Variants in CHFR observed in about 807,000 individuals in gnomAD.
The protein encoded by CHFR is checkpoint with forkhead and ring finger domains, also known as E3 ubiquitin-protein ligase CHFR.
CHFR carries 57 observed loss-of-function variants against 87.6 expected under a neutral mutation model. That is an observed-to-expected ratio of 0.65 (90% confidence interval 0.53 to 0.81). The LOEUF is 0.81. Among genes scored for constraint, CHFR ranks in the 30% least tolerant of loss-of-function variants. The pLI is 0.00. For synonymous variants in CHFR, 381 were observed against 359.2 expected (o/e 1.06, Z -0.69); for missense variants, 797 against 865.8 (o/e 0.92, Z 1.00).
chr12:132,856,242 C>G (rs549697602), intron 10 of CHFR, among the ~76,000 whole-genome samples: 5 of 152,192 alleles, frequency 3.3e-5, no homozygotes, highest in South Asian at 2.1e-4. Flanking sequence ...CTGGCTACCC[C>G]CTGGCTACCC....
intron 6 of CHFR, among the ~76,000 whole-genome samples, chr12:132,863,462 G>A (rs1019148618): frequency 8.6e-5 from 13 of 151,944 alleles, no homozygotes; most frequent in Non-Finnish European, 7.4e-5. Context: ...CGAAGTTCGC[G>A]CCATTGCACT....
intron 10 of CHFR, among the ~76,000 whole-genome samples, chr12:132,855,754 AG>A (rs1453648111): frequency 6.6e-6 from 1 of 152,204 alleles, no homozygotes; most frequent in Non-Finnish European, 1.5e-5. Flanking sequence ...GGGTAGAGGC[AG>A]CAAAATCTTA....
chr12:132,885,310 C>G (rs1249000474), intron 2 of CHFR, among the ~76,000 whole-genome samples: 2 of 150,854 alleles, frequency 1.3e-5, no homozygotes, highest in African/African-American at 2.4e-5. Flanking sequence ...ACTCGGGAGG[C>G]TGAGGCAGAA....
In CHFR at chr12:132,877,558, G is replaced by C. The variant is rs1196075617; in HGVS notation, c.230C>G (p.Thr77Ser). 12 of 1,599,394 alleles carry C rather than the reference G, an allele frequency of 7.5e-6. No individual in the cohort carries two copies. The highest frequency in any genetic ancestry group is 1.0e-5 in the Non-Finnish European group (12 of 1,168,618). ...AAGAAGCTCAGAACATACTCACCTGGTATCTTCCAGTGTCACCTGACCTGA... is the reference window on the plus strand; with the variant it reads ...AAGAAGCTCAGAACATACTCACCTGCTATCTTCCAGTGTCACCTGACCTGA... Reference protein sequence around the residue: ...EKSGQVTLEDTSTSGTVINKL... With the variant: ...EKSGQVTLEDSSTSGTVINKL... Residue 77 changes from threonine (T) to serine (S), a missense_variant, in exon 3 of 18, where the codon ACC becomes AGC. Physicochemically the swap from Thr to Ser is moderately conservative, Grantham distance 58 (BLOSUM62 1). This residue lies in a region of CHFR where 597 missense variants were observed against 601.2 expected (regional missense o/e 0.99). Coordinates refer to ENST00000450056, the MANE Select transcript of CHFR (RefSeq NM_001161346.2).
At chr12:132,887,094 G>A in intron 2 of CHFR, 102 bp downstream of exon 2, 1 of 1,003,768 alleles carries the variant, frequency 1.0e-6, no homozygotes. Flanking sequence ...TTCACTCCAC[G>A]GAAAAATCTG....
At chr12:132,847,440 A>C in intron 14 of CHFR, 1 of 1,143,978 alleles carries the variant, frequency 8.7e-7, no homozygotes, top group South Asian at 2.1e-5. Context: ...CACACAGCCC[A>C]GCAACGAGCC....
intron 2 of CHFR, among the ~76,000 whole-genome samples, chr12:132,882,538 AC>A (rs750874709): frequency 3.3e-5 from 5 of 152,168 alleles, no homozygotes; most frequent in Non-Finnish European, 7.3e-5. Flanking sequence ...AACATTCTGT[AC>A]TATTGGAAGT....
intron 2 of CHFR, among the ~76,000 whole-genome samples, chr12:132,885,776 G>T (rs564702921): frequency 6.6e-6 from 1 of 152,316 alleles, no homozygotes; most frequent in South Asian, 2.1e-4. Flanking sequence ...GGCGCAGAAA[G>T]ATGTCGTTAG....
chr12:132,846,563 C>T (rs1052435503), intron 15 of CHFR, among the ~76,000 whole-genome samples: 7 of 151,868 alleles, frequency 4.6e-5, no homozygotes, highest in Non-Finnish European at 7.4e-5. Context: ...AGCCACCACA[C>T]CCGGCCCACG....
At chr12:132,865,651 G>GTTTTTTTTTT (rs1241641864) in intron 6 of CHFR, among the ~76,000 whole-genome samples, 1 of 127,018 alleles carries the variant, frequency 7.9e-6, no homozygotes. Flanking sequence ...GGGATTACAG[G>GTTTTTTTTTT]TCTTTTTTTT....
intron 10 of CHFR, chr12:132,854,393 T>G (rs2136954436): frequency 6.6e-6 from 1 of 152,326 alleles, no homozygotes. Context: ...ACTCGACTGC[T>G]TCACGTCTAA....
chr12:132,835,295 G>C lies in CHFR; in HGVS notation c.*6259C>G. The C allele has an allele frequency of 6.6e-6, 1 of 152,166 alleles. No homozygotes were observed. The highest frequency in any genetic ancestry group is 3.2e-3 in the Middle Eastern group (1 of 316). 9.4% of individuals were successfully genotyped at this position (152,166 alleles called of 1,614,324 possible). A position where few individuals can be genotyped will look rare whatever the true frequency, so the allele number is the denominator to read the frequency against. ...AACCACCCAATTTTTATAAAACCCCGTGGCGTGCGAGCTTTGATGGCAGAG... is the reference window on the plus strand; with the variant it reads ...AACCACCCAATTTTTATAAAACCCCCTGGCGTGCGAGCTTTGATGGCAGAG... On this transcript the variant is annotated 3_prime_UTR_variant, in exon 18 of 18. Transcript: ENST00000450056.
chr12:132,878,998 T>G (rs79136624), intron 2 of CHFR, among the ~76,000 whole-genome samples: 19 of 131,990 alleles, frequency 1.4e-4, no homozygotes, highest in African/African-American at 5.2e-4. Flanking sequence ...TTTTTTTTTT[T>G]GTTTTTGTTT....
chr12:132,887,069 G>A (rs1419553662), intron 2 of CHFR, 127 bp downstream of exon 2: 3 of 753,160 alleles, frequency 4.0e-6, no homozygotes, highest in Non-Finnish European at 5.9e-6. Flanking sequence ...ATAAATACCA[G>A]TTCTTACATG....
At chr12:132,854,779 C>A (rs1951028521) in intron 10 of CHFR, 1 of 151,434 alleles carries the variant, frequency 6.6e-6, no homozygotes, top group African/African-American at 2.4e-5. Context: ...GCACTCCAGC[C>A]TGGGCAACAG....
rs375174098 is a variant in CHFR at position 132,859,182 on chromosome 12, C to T, written c.797G>A (p.Arg266His). Residue 266 changes from arginine (R) to histidine (H), a missense_variant, in exon 8 of 18, where the codon CGT becomes CAT. By Grantham distance (29) the Arg-to-His change is conservative. This residue lies in a region of CHFR where 597 missense variants were observed against 601.2 expected (regional missense o/e 0.99). Transcript: ENST00000450056. ...CTCGTGGACGGTTTGGGCATTTCTA[C>T]GCGGTTGTGCGACCAACAACTGCCC... ...LNGQLLVAQP[R>H]RNAQTVHEDV... The T allele has an allele frequency of 4.2e-5, 68 of 1,613,850 alleles. No homozygotes were observed. Among genetic ancestry groups the T allele is most frequent in the South Asian group, 1.2e-4 (11 of 91,032 alleles).
rs1202757955 is a variant in CHFR, at chr12:132,887,267, C to T, written c.62G>A (p.Arg21His). Residue 21 changes from arginine to histidine, a missense_variant, in exon 2 of 18, where the codon CGT becomes CAT. Around this residue, in one of 2 missense-constraint regions of CHFR, gnomAD observed 597 missense variants for 601.2 expected, o/e 0.99. Transcript: ENST00000450056. Reference sequence around the variant, plus strand: ...CGGCTCGCCCTCCTCCGCGCCCAGACGCAGGAGCCGTCCCCAGGGCTGCGG... The same window carrying T: ...CGGCTCGCCCTCCTCCGCGCCCAGATGCAGGAGCCGTCCCCAGGGCTGCGG... ...PPPQPWGRLL[R>H]LGAEEGEPHV... 16 of 1,499,406 alleles carry T rather than the reference C, an allele frequency of 1.1e-5. No individual in the cohort carries two copies. Among genetic ancestry groups the T allele is most frequent in the African/African-American group, 1.5e-5 (1 of 68,736 alleles). 92.9% of individuals were successfully genotyped at this position (1,499,406 alleles called of 1,614,324 possible).
At chr12:132,851,274 A>G (rs1167924601) in intron 12 of CHFR, among the ~76,000 whole-genome samples, 3 of 152,106 alleles carry the variant, frequency 2.0e-5, no homozygotes, top group Non-Finnish European at 4.4e-5. Context: ...TACAGACGTG[A>G]GCCACTGTGC....
rs368105143 is a variant in CHFR, at chr12:132,855,560, G to A, written c.1229+908C>T. Among the ~76,000 whole-genome samples, 131 of 152,136 alleles carry A rather than the reference G, an allele frequency of 8.6e-4. No individual in the cohort carries two copies. The Middle Eastern group carries it at 0.01, about 12-fold the overall frequency. On this transcript the variant is annotated intron_variant, in intron 10 of 17. Coordinates refer to ENST00000450056, the MANE Select transcript of CHFR (RefSeq NM_001161346.2). The stretch of plus-strand genomic sequence containing the variant: ...CATGCGCCTGTAGTCCCAGCTACTC[G>A]AGAGGCTGAGGCAGGAGAATCGCTT...
Sources: gnomAD v4.1 joint callset for allele counts (sites outside exome capture counted in the v4.1 genomes callset) on GRCh38, gnomAD v4.1.1 for gene constraint, gnomAD v4.1.1 regional missense constraint, MANE v1.5 for transcripts, NCBI Gene and HGNC (gene_info 2026-07-23, HGNC 2026-07-21) for gene names.